The following RFX6 variants were observed in gnomAD, a reference collection of about 807,000 sequenced individuals.
RFX6 encodes DNA-binding protein RFX6.
A neutral mutation model predicts 110.8 loss-of-function variants in RFX6; 50 were observed. The observed-to-expected ratio is 0.45, with a 90% confidence interval of 0.36 to 0.57. The LOEUF (loss-of-function observed/expected upper bound fraction) is 0.57. RFX6 is among the 20% of genes least tolerant of loss of function. The probability of loss-of-function intolerance (pLI) is 0.00; values close to 1 mark genes in which losing one functional copy is unlikely to be tolerated. For missense variants in RFX6, 990 were observed against 1,127.0 expected, an observed-to-expected ratio of 0.88 and a Z score of 1.74; for synonymous variants, 383 against 411.2, an observed-to-expected ratio of 0.93 and a Z score of 0.83.
At chr6:116,900,023 C>T (rs339350) in intron 6 of RFX6, among the ~76,000 whole-genome samples, 44,117 of 151,874 alleles carry the variant, frequency 0.29, 6,580 homozygotes, top group South Asian at 0.38. Context: ...AGCTAATAAA[C>T]GCATGAAGAA....
intron 17 of RFX6, 121 bp from the exon 18 acceptor site, chr6:116,928,638 C>T (rs1775806765): frequency 1.4e-6 from 1 of 732,742 alleles, no homozygotes. Context: ...TGTATAGATA[C>T]ACATGTAATA....
chr6:116,900,704 T>G lies in RFX6; in HGVS notation c.672+5497T>G, dbSNP rs182562777. Among the ~76,000 whole-genome samples the G allele has an allele frequency of 1.2e-3, 189 of 152,226 alleles. 2 individuals are homozygous for G. The highest frequency in any genetic ancestry group is 2.4e-3 in the Admixed American group (37 of 15,286). On this transcript the variant is annotated intron_variant, in intron 6 of 18. Transcript: ENST00000332958. ...TGCAGACAGAAAATTATGCACAAAATTTTTATTGATTACAGTGAGAAACTA... is the reference window on the plus strand; with the variant it reads ...TGCAGACAGAAAATTATGCACAAAAGTTTTATTGATTACAGTGAGAAACTA...
At position 116,925,571 on chromosome 6, in the gene RFX6, T is replaced by C; in HGVS notation, c.1797T>C (p.Tyr599=). Residue 599 remains tyrosine, a synonymous_variant, in exon 16 of 19, where the codon TAT becomes TAC. Transcript: ENST00000332958. Reference sequence around the variant, plus strand: ...ATGAAAGCCACGTGGAGACAACCTATCTCCCTCTGCCATCCAGTCAACCTG... The same window carrying C: ...ATGAAAGCCACGTGGAGACAACCTACCTCCCTCTGCCATCCAGTCAACCTG... The part of the protein sequence containing the change: ...VKNESHVETT[Y]LPLPSSQPGG... 2 of 1,614,000 alleles carry C rather than the reference T, an allele frequency of 1.2e-6. No homozygotes were observed. The highest frequency in any genetic ancestry group is 2.2e-5 in the East Asian group (1 of 44,874).
At chr6:116,909,592 T>C (rs1050512350) in intron 6 of RFX6, among the ~76,000 whole-genome samples, 1 of 150,476 alleles carries the variant, frequency 6.6e-6, no homozygotes, top group African/African-American at 2.4e-5. Flanking sequence ...TATGCTATTA[T>C]ATCAGTTTAT....
Position 116,927,276 on chromosome 6 carries a change from A to G in RFX6, c.2135A>G (p.His712Arg). ...NYQTVFRAQP[H>R]STSGLYPHHT... ...CAGACTGTGTTTAGGGCACAGCCCC[A>G]CTCCACATCAGGACTCTATCCTCAT... is the stretch of plus-strand genomic sequence containing the variant. Residue 712 changes from histidine to arginine, a missense_variant, in exon 17 of 19, where the codon CAC becomes CGC. His to Arg is a conservative substitution (Grantham distance 29). Around this residue, in one of 5 missense-constraint regions of RFX6, gnomAD observed 438 missense variants for 441.9 expected, o/e 0.99. Transcript: ENST00000332958. 1.2e-6 allele frequency: 2 copies of G among 1,614,018 alleles called. No individual in the cohort carries two copies. The highest frequency in any genetic ancestry group is 1.7e-6 in the Non-Finnish European group (2 of 1,180,004).
At chr6:116,919,000 T>C (rs901824192) in intron 10 of RFX6, 137 bp from the exon 11 acceptor site, 2 of 734,360 alleles carry the variant, frequency 2.7e-6, no homozygotes, top group South Asian at 1.7e-5. Context: ...GAAAAGATGA[T>C]AAATGGCAGA....
At chr6:116,882,562 G>T in intron 4 of RFX6, 134 bp downstream of exon 4, 3 of 542,962 alleles carry the variant, frequency 5.5e-6, no homozygotes, top group South Asian at 2.3e-5. Context: ...TATCAACTGT[G>T]AGAACTGAAA....
chr6:116,881,699 A>C (rs1321729135), intron 3 of RFX6, among the ~76,000 whole-genome samples: 1 of 152,034 alleles, frequency 6.6e-6, no homozygotes, highest in East Asian at 1.9e-4. Flanking sequence ...AGTCTACCTT[A>C]TGGGAATAAT....
chr6:116,927,657 T>C, intron 17 of RFX6, 118 bp downstream of exon 17: 1 of 847,638 alleles, frequency 1.2e-6, no homozygotes, highest in Admixed American at 2.0e-5. Flanking sequence ...CCAAAGATCA[T>C]GGAATCTTAG....
chr6:116,900,400 G>A (rs879434199), intron 6 of RFX6, among the ~76,000 whole-genome samples: 1 of 152,026 alleles, frequency 6.6e-6, no homozygotes, highest in South Asian at 2.1e-4. Flanking sequence ...GATTACAGGC[G>A]TGCGCCGCCA....
intron 6 of RFX6, 103 bp from the exon 7 acceptor site, chr6:116,910,832 A>T (rs1775333198): frequency 1.2e-6 from 1 of 843,714 alleles, no homozygotes; most frequent in East Asian, 2.5e-5. Context: ...GGTTTGCAGG[A>T]TGAAGAAGAA....
At chr6:116,891,112 C>G (rs1215634695) in intron 4 of RFX6, among the ~76,000 whole-genome samples, 1 of 152,124 alleles carries the variant, frequency 6.6e-6, no homozygotes, top group African/African-American at 2.4e-5. Flanking sequence ...AGTCACTTTT[C>G]CATGACAGCA....
At chr6:116,908,723 T>C (rs953259583) in intron 6 of RFX6, among the ~76,000 whole-genome samples, 11 of 142,448 alleles carry the variant, frequency 7.7e-5, no homozygotes, top group African/African-American at 8.1e-5. Context: ...CACAGAGGGA[T>C]TGAGAGAGAG....
intron 2 of RFX6, among the ~76,000 whole-genome samples, chr6:116,879,254 T>C (rs992803354): frequency 2.4e-4 from 36 of 152,082 alleles, no homozygotes; most frequent in African/African-American, 8.7e-4. Flanking sequence ...GATGATTTAA[T>C]ATTTTGAAGA....
Position 116,907,806 on chromosome 6 carries a change from G to A in RFX6, c.673-3129G>A, listed in dbSNP as rs928457475. 6.6e-5 allele frequency among the ~76,000 whole-genome samples: 10 copies of A among 152,084 alleles called. No homozygotes were observed. The South Asian group carries it at 1.2e-3, about 19-fold the overall frequency. On this transcript the variant is annotated intron_variant, in intron 6 of 18. Transcript: ENST00000332958. Reference sequence around the variant, plus strand: ...TAACTTCTGTCTGTTTGTTCTGTCCGTTATTGAGAATGAGGTGTTAAAGTC... The same window carrying A: ...TAACTTCTGTCTGTTTGTTCTGTCCATTATTGAGAATGAGGTGTTAAAGTC...
rs145815861 is a variant in RFX6 at position 116,897,836 on chromosome 6, T to A, written c.672+2629T>A. Among the ~76,000 whole-genome samples, 100 of 152,312 alleles carry A rather than the reference T, an allele frequency of 6.6e-4. 1 individual carries two copies. The East Asian group carries it at 0.018, about 27-fold the overall frequency. ...TTAATTTGGGACTTGTCATATTTGA[T>A]GTGTTTGTGAAACATTTAACACAAA... On this transcript the variant is annotated intron_variant, in intron 6 of 18. Transcript: ENST00000332958.
chr6:116,910,415 A>G (rs1775325102), intron 6 of RFX6, among the ~76,000 whole-genome samples: 1 of 152,202 alleles, frequency 6.6e-6, no homozygotes, highest in Admixed American at 6.5e-5. Context: ...GAAGAAACTT[A>G]CTGTGGGAGA....
chr6:116,877,756 T>C (rs1288261320), intron 1 of RFX6, 40 bp from the exon 2 acceptor site: 1 of 1,606,646 alleles, frequency 6.2e-7, no homozygotes, highest in South Asian at 1.1e-5. Context: ...GTTGATTTTA[T>C]ATTCTATTTT....
intron 6 of RFX6, among the ~76,000 whole-genome samples, chr6:116,896,656 C>T (rs1273676166): frequency 6.6e-6 from 1 of 151,908 alleles, no homozygotes; most frequent in African/African-American, 2.4e-5. Context: ...TGCAGTGAGC[C>T]ATGATTGTGC....
Sources: gnomAD v4.1 joint callset for allele counts (sites outside exome capture counted in the v4.1 genomes callset) on GRCh38, gnomAD v4.1.1 for gene constraint, gnomAD v4.1.1 regional missense constraint, MANE v1.5 for transcripts, NCBI Gene and HGNC (gene_info 2026-07-23, HGNC 2026-07-21) for gene names.